The following RERE variants were observed in gnomAD, a reference collection of about 807,000 sequenced individuals.
RERE encodes arginine-glutamic acid dipeptide repeats protein.
A neutral mutation model predicts 146.1 loss-of-function variants in RERE; 40 were observed. That is an observed-to-expected ratio of 0.27 (90% CI 0.21 to 0.36). The LOEUF (loss-of-function observed/expected upper bound fraction) is 0.36. Ranked by LOEUF, RERE falls within the 10% of genes least tolerant of loss-of-function variation. RERE has a pLI of 1.00. For missense variants in RERE, 1,933 were observed against 2,138.7 expected (o/e 0.90, Z 1.90); for synonymous variants, 1,003 against 866.0 (o/e 1.16, Z -2.78).
intron 1 of RERE, among the ~76,000 whole-genome samples, chr1:8,690,314 T>A (rs1405528528): frequency 2.0e-5 from 3 of 152,172 alleles, no homozygotes; most frequent in Non-Finnish European, 4.4e-5. Context: ...ACTAATCACA[T>A]CATGAGGAGC....
At chr1:8,635,953 TTATCTTATCTTATCTTATCTTATC>T (rs1557448246) in intron 2 of RERE, among the ~76,000 whole-genome samples, 27 of 41,620 alleles carry the variant, frequency 6.5e-4, no homozygotes, top group African/African-American at 1.2e-3. Flanking sequence ...TTATTTTATC[TTATCTTATCTTATCTTATCTTATC>T]TTATTTTATT....
intron 12 of RERE, among the ~76,000 whole-genome samples, chr1:8,397,225 C>A (rs1643085680): frequency 6.6e-6 from 1 of 152,194 alleles, no homozygotes; most frequent in Non-Finnish European, 1.5e-5. Context: ...TTTCTCTTCA[C>A]ACGTATTGTG....
intron 1 of RERE, among the ~76,000 whole-genome samples, chr1:8,679,668 T>A (rs541436089): frequency 4.6e-5 from 7 of 152,352 alleles, no homozygotes; most frequent in African/African-American, 1.7e-4. Flanking sequence ...GGCAGAAGGC[T>A]GCACATTTTT....
intron 6 of RERE, among the ~76,000 whole-genome samples, chr1:8,542,452 G>A (rs1321291368): frequency 6.6e-6 from 1 of 152,072 alleles, no homozygotes; most frequent in African/African-American, 2.4e-5. Flanking sequence ...ATCAGCGTGG[G>A]TTCATTCATT....
chr1:8,375,668 G>A (rs1378066654), intron 12 of RERE, among the ~76,000 whole-genome samples: 1 of 137,262 alleles, frequency 7.3e-6, no homozygotes, highest in Non-Finnish European at 1.6e-5. Context: ...TCACTCAGCA[G>A]CCACTGAAAA....
rs117528333 is a variant in RERE, at chr1:8,767,579, T to C, written c.-145+49581A>G. Among the ~76,000 whole-genome samples the C allele has an allele frequency of 2.2e-3, 329 of 146,534 alleles. 6 individuals carry two copies. The highest frequency in any genetic ancestry group is 0.012 in the Admixed American group (180 of 14,522). On this transcript the variant is annotated intron_variant, in intron 1 of 22. Coordinates refer to ENST00000400908, the MANE Select transcript of RERE (RefSeq NM_001042681.2). Reference sequence around the variant, plus strand: ...AAGATTGCACCACTGCACTCCAACCTGGGCTGCAGAGTGAGGCCTTGTCTC... The same window carrying C: ...AAGATTGCACCACTGCACTCCAACCCGGGCTGCAGAGTGAGGCCTTGTCTC...
chr1:8,417,470 TA>T (rs1364989069), intron 12 of RERE, among the ~76,000 whole-genome samples: 2 of 152,216 alleles, frequency 1.3e-5, no homozygotes, highest in Non-Finnish European at 1.5e-5. Context: ...TACTTAAAGT[TA>T]AAAACGTCAA....
chr1:8,664,434 G>A (rs374885390), intron 1 of RERE, among the ~76,000 whole-genome samples: 1 of 151,224 alleles, frequency 6.6e-6, no homozygotes, highest in Admixed American at 6.6e-5. Context: ...ACACACAGGA[G>A]GATCCACACA....
chr1:8,410,324 G>A (rs778979269), intron 12 of RERE, among the ~76,000 whole-genome samples: 1 of 152,148 alleles, frequency 6.6e-6, no homozygotes, highest in African/African-American at 2.4e-5. Context: ...CACCCAGAAC[G>A]GCTGTTGCAG....
intron 1 of RERE, among the ~76,000 whole-genome samples, chr1:8,781,370 C>G (rs11586759): frequency 6.8e-6 from 1 of 146,180 alleles, no homozygotes; most frequent in Non-Finnish European, 1.5e-5. Context: ...AAAAAAAAAA[C>G]AACTTTTTTT....
chr1:8,358,149 C>T (rs756788890), intron 20 of RERE, 47 bp downstream of exon 20: 13 of 1,549,688 alleles, frequency 8.4e-6, no homozygotes, highest in African/African-American at 1.3e-5. Context: ...TCAGGCTCTG[C>T]ACCCCTCCCC....
intron 1 of RERE, among the ~76,000 whole-genome samples, chr1:8,794,090 T>TGA (rs1450863346): frequency 6.8e-6 from 1 of 147,762 alleles, no homozygotes; most frequent in Non-Finnish European, 1.5e-5. Context: ...TTTTTTTTTT[T>TGA]GAGAGAGAAA....
In RERE at chr1:8,776,735, T is replaced by A. The variant is rs546785674; in HGVS notation, c.-145+40425A>T. On this transcript the variant is annotated intron_variant, in intron 1 of 22. Transcript: ENST00000400908. ...ATTCTTTTTTATTTTATTATCTTTT[T>A]TTTGAGGCAGGGTGTCACTGTCACC... is the stretch of plus-strand genomic sequence containing the variant. Among the ~76,000 whole-genome samples the A allele has an allele frequency of 4.5e-4, 69 of 152,300 alleles. 1 individual carries two copies. Among genetic ancestry groups the A allele is most frequent in the Admixed American group, 2.6e-3 (39 of 15,292 alleles).
intron 1 of RERE, among the ~76,000 whole-genome samples, chr1:8,778,173 G>C (rs543323118): frequency 3.7e-4 from 57 of 152,288 alleles, no homozygotes; most frequent in South Asian, 1.0e-3. Context: ...TAGACAGTGA[G>C]TTAAAGTATC....
intron 7 of RERE, among the ~76,000 whole-genome samples, chr1:8,538,393 A>C (rs2124384194): frequency 6.6e-6 from 1 of 152,298 alleles, no homozygotes; most frequent in Non-Finnish European, 1.5e-5. Context: ...ACAGAGGTAA[A>C]TTCTGCAAGG....
chr1:8,793,834 A>G (rs1468113009), intron 1 of RERE, among the ~76,000 whole-genome samples: 2 of 151,120 alleles, frequency 1.3e-5, no homozygotes, highest in African/African-American at 4.9e-5. Context: ...GGAGGCCAAG[A>G]CAGGTGGATC....
At chr1:8,683,204 G>A (rs1639012579) in intron 1 of RERE, among the ~76,000 whole-genome samples, 1 of 151,998 alleles carries the variant, frequency 6.6e-6, no homozygotes, top group African/African-American at 2.4e-5. Context: ...GAGGATGCAG[G>A]CCCAGCCTCA....
chr1:8,661,491 C>T (rs1286622518), intron 1 of RERE, among the ~76,000 whole-genome samples: 2 of 152,182 alleles, frequency 1.3e-5, no homozygotes, highest in Non-Finnish European at 2.9e-5. Context: ...CCGGAGATCA[C>T]TCTGGCCGCT....
chr1:8,650,940 A>AAAAT (rs1647596689), intron 2 of RERE, among the ~76,000 whole-genome samples: 1 of 149,042 alleles, frequency 6.7e-6, no homozygotes, highest in Non-Finnish European at 1.5e-5. Flanking sequence ...TAAATAAATA[A>AAAAT]AAATAAATTA....
Sources: allele counts gnomAD v4.1 joint callset (sites outside exome capture counted in the v4.1 genomes callset), GRCh38; gene constraint gnomAD v4.1.1; transcripts MANE v1.5; gene names NCBI Gene and HGNC (gene_info 2026-07-23, HGNC 2026-07-21).